ATP13A3: variants seen among roughly 807,000 people sequenced by gnomAD.
The protein encoded by ATP13A3 is ATPase 13A3.
A neutral mutation model predicts 158.1 loss-of-function variants in ATP13A3; 59 were observed. The ratio of observed to expected loss-of-function variants is 0.37; its 90% CI spans 0.30 to 0.46. The LOEUF is 0.46. Among genes scored for constraint, ATP13A3 ranks in the 20% least tolerant of loss-of-function variants. The pLI is 1.00. For missense variants in ATP13A3, 1,166 were observed against 1,525.2 expected, an observed-to-expected ratio of 0.76 and a Z score of 3.92; for synonymous variants, 491 against 504.3, an observed-to-expected ratio of 0.97 and a Z score of 0.35.
At chr3:194,457,905 C>T (rs1393236583) in intron 6 of ATP13A3, among the ~76,000 whole-genome samples, 1 of 151,776 alleles carries the variant, frequency 6.6e-6, no homozygotes, top group Non-Finnish European at 1.5e-5. Context: ...CCTGCCTCAG[C>T]CTCCTGAGTA....
At position 194,448,033 on chromosome 3, in the gene ATP13A3, T is replaced by C. The variant is rs780275331; in HGVS notation, c.1151-24A>G. The C allele has an allele frequency of 4.5e-6, 7 of 1,556,642 alleles. No individual in the cohort carries two copies. The highest frequency in any genetic ancestry group is 2.3e-5 in the South Asian group (2 of 86,372). ...TCCTTTCAAAAAAAGAAGACAATTATTGATATTTTTATAAGAAAATGAGAA... is the reference window on the plus strand; with the variant it reads ...TCCTTTCAAAAAAAGAAGACAATTACTGATATTTTTATAAGAAAATGAGAA... On this transcript the variant is annotated intron_variant, in intron 12 of 33. Coordinates refer to ENST00000645319, the MANE Select transcript of ATP13A3 (RefSeq NM_001367549.1). The surrounding 1 kb of genome is among the most constrained non-coding windows in gnomAD (Gnocchi z 4.0).
intron 3 of ATP13A3, 80 bp downstream of exon 3, chr3:194,462,060 G>A (rs1719704348): frequency 1.1e-5 from 16 of 1,395,904 alleles, no homozygotes; most frequent in Middle Eastern, 1.8e-4. Context: ...GTTGTTAATT[G>A]CATTTTTCTA....
At chr3:194,427,939 A>G (rs897851510) in intron 28 of ATP13A3, among the ~76,000 whole-genome samples, 2 of 151,898 alleles carry the variant, frequency 1.3e-5, no homozygotes, top group Non-Finnish European at 2.9e-5. Flanking sequence ...CCTATTTTTC[A>G]GCTGGGCACA....
intron 3 of ATP13A3, 83 bp downstream of exon 3, chr3:194,462,057 A>G (rs1719703871): frequency 1.5e-6 from 2 of 1,376,622 alleles, no homozygotes; most frequent in Admixed American, 3.6e-5. Context: ...ACTGTTGTTA[A>G]TTGCATTTTT....
chr3:194,440,683 A>G (rs1577059410), intron 16 of ATP13A3, among the ~76,000 whole-genome samples: 2 of 152,212 alleles, frequency 1.3e-5, no homozygotes, highest in Non-Finnish European at 2.9e-5. Context: ...AAGGAGAGAC[A>G]CCAGCCATGG....
chr3:194,462,053 G>A lies in ATP13A3; in HGVS notation c.51+87C>T, dbSNP rs1011317320. The A allele has an allele frequency of 3.0e-6, 4 of 1,330,878 alleles. No individual in the cohort carries two copies. The South Asian group carries it at 3.6e-5, about 12-fold the overall frequency. The allele number at this position is 1,330,878 out of a possible 1,614,324, so 82.4% of individuals were successfully genotyped here. A position where few individuals can be genotyped will look rare whatever the true frequency, so the allele number is the denominator to read the frequency against. On this transcript the variant is annotated intron_variant, in intron 3 of 33. Coordinates refer to ENST00000645319, the MANE Select transcript of ATP13A3 (RefSeq NM_001367549.1). The stretch of plus-strand genomic sequence containing the variant: ...TGAGTTAGCTGCTGCCGCCACTGTT[G>A]TTAATTGCATTTTTCTAGTCCCTAA...
intron 29 of ATP13A3, among the ~76,000 whole-genome samples, chr3:194,425,824 A>G (rs538404351): frequency 4.6e-5 from 7 of 152,348 alleles, no homozygotes; most frequent in African/African-American, 1.7e-4. Flanking sequence ...GAGTGAAAAC[A>G]GAGACAATGG....
At chr3:194,465,421 A>G (rs1719930490) in intron 2 of ATP13A3, among the ~76,000 whole-genome samples, 1 of 152,196 alleles carries the variant, frequency 6.6e-6, no homozygotes, top group Non-Finnish European at 1.5e-5. Flanking sequence ...TTGTGTGTGA[A>G]GAAACTACCG....
intron 6 of ATP13A3, among the ~76,000 whole-genome samples, chr3:194,458,587 C>T (rs892178151): frequency 4.6e-5 from 7 of 152,052 alleles, no homozygotes; most frequent in African/African-American, 7.2e-5. Context: ...GGGGTTTCAC[C>T]GTGTTGGCCA....
chr3:194,480,774 A>C (rs975307451), intron 2 of ATP13A3, among the ~76,000 whole-genome samples: 5 of 152,222 alleles, frequency 3.3e-5, no homozygotes, highest in African/African-American at 1.2e-4. Context: ...GAAGCAACAG[A>C]GAAAAATAAT....
At chr3:194,493,308 G>C (rs890275002) in intron 2 of ATP13A3, among the ~76,000 whole-genome samples, 1 of 152,012 alleles carries the variant, frequency 6.6e-6, no homozygotes, top group African/African-American at 2.4e-5. Context: ...ATGAATTTAC[G>C]ATCTCAGATA....
chr3:194,471,446 C>T (rs974298904), intron 2 of ATP13A3, among the ~76,000 whole-genome samples: 5 of 152,034 alleles, frequency 3.3e-5, no homozygotes, highest in Non-Finnish European at 5.9e-5. Flanking sequence ...CTCTGCCTTC[C>T]GGGTTCAAGC....
intron 31 of ATP13A3, among the ~76,000 whole-genome samples, chr3:194,418,316 T>C (rs1357236950): frequency 6.6e-6 from 1 of 151,934 alleles, no homozygotes; most frequent in Non-Finnish European, 1.5e-5. Flanking sequence ...AAATTTGCCA[T>C]GTCAGACTAT....
intron 2 of ATP13A3, among the ~76,000 whole-genome samples, chr3:194,462,608 T>C (rs924328312): frequency 3.3e-5 from 5 of 152,228 alleles, no homozygotes; most frequent in African/African-American, 7.2e-5. Context: ...AACCAGTCCC[T>C]GGTGCCAAAA....
chr3:194,406,232 G>C, intron 33 of ATP13A3, 116 bp from the exon 34 acceptor site: 1 of 1,097,002 alleles, frequency 9.1e-7, no homozygotes, highest in Non-Finnish European at 1.3e-6. Context: ...AATGACTTCT[G>C]AGCACAACGA....
At chr3:194,407,510 C>T (rs1431892908) in intron 33 of ATP13A3, among the ~76,000 whole-genome samples, 1 of 152,096 alleles carries the variant, frequency 6.6e-6, no homozygotes, top group Admixed American at 6.6e-5. Flanking sequence ...TTGAAACAAC[C>T]ATCAGGAACC....
At chr3:194,473,499 C>A (rs1720398822) in intron 2 of ATP13A3, among the ~76,000 whole-genome samples, 3 of 138,446 alleles carry the variant, frequency 2.2e-5, no homozygotes, top group Non-Finnish European at 3.1e-5. Context: ...AAAAAAAAAA[C>A]CTGACAAGGA....
At chr3:194,431,977 A>G in intron 21 of ATP13A3, 85 bp from the exon 22 acceptor site, 1 of 1,134,192 alleles carries the variant, frequency 8.8e-7, no homozygotes, top group Non-Finnish European at 1.2e-6. Flanking sequence ...AATCTACTAC[A>G]GTCTCCATGA....
chr3:194,448,162 C>T lies in ATP13A3; in HGVS notation c.1151-153G>A, dbSNP rs1358636579. 6.6e-6 allele frequency among the ~76,000 whole-genome samples: 1 copy of T among 151,932 alleles called. No individual in the cohort carries two copies. The highest frequency in any genetic ancestry group is 2.4e-5 in the African/African-American group (1 of 41,344). ...GTGTGATCTCGACTCACTGCAAGCT[C>T]CGCCTCCTGGGTTCACGCCATTCTC... is the stretch of plus-strand genomic sequence containing the variant. On this transcript the variant is annotated intron_variant, in intron 12 of 33. Transcript: ENST00000645319. This position sits in a 1 kb window ranked among gnomAD's most constrained non-coding sequence, Gnocchi z 4.0.
Sources: allele counts gnomAD v4.1 joint callset (sites outside exome capture counted in the v4.1 genomes callset), GRCh38; gene constraint gnomAD v4.1.1; non-coding constraint Gnocchi (gnomAD v3.1); transcripts MANE v1.5; gene names NCBI Gene and HGNC (gene_info 2026-07-23, HGNC 2026-07-21).